RYR3: variants seen among roughly 807,000 people sequenced by gnomAD.
The protein encoded by RYR3 is brain ryanodine receptor-calcium release channel.
Under a neutral mutation model 584.3 loss-of-function variants are expected in RYR3, and 207 were observed. The ratio of observed to expected loss-of-function variants is 0.35; its 90% CI spans 0.32 to 0.40. The LOEUF (loss-of-function observed/expected upper bound fraction) is 0.40, where lower values mean the gene tolerates loss of function less well. Among genes scored for constraint, RYR3 ranks in the 10% least tolerant of loss-of-function variants. RYR3 has a pLI of 1.00. For synonymous variants in RYR3, 2,416 were observed against 2,248.5 expected, an observed-to-expected ratio of 1.07 and a Z score of -2.11; for missense variants, 5,616 against 6,089.2, an observed-to-expected ratio of 0.92 and a Z score of 2.59.
chr15:33,848,086 C>G (rs2078839024), intron 93 of RYR3, among the ~76,000 whole-genome samples: 2 of 152,136 alleles, frequency 1.3e-5, no homozygotes, highest in African/African-American at 2.4e-5. Context: ...AAGGGTGACC[C>G]AAATCAGATC....
Position 33,311,278 on chromosome 15 carries a change from G to A in RYR3, c.51+182G>A, listed in dbSNP as rs956243359. ...CGCGGGGCCGCGAGGGGCTGCGTGG[G>A]AAGGGGCACCATCTCCTGCCTCTCC... On this transcript the variant is annotated intron_variant, in intron 1 of 103. Transcript: ENST00000634891. This position sits in a 1 kb window ranked among gnomAD's most constrained non-coding sequence, Gnocchi z 4.4. 6.6e-6 allele frequency among the ~76,000 whole-genome samples: 1 copy of A among 152,158 alleles called. No individual in the cohort carries two copies. The highest frequency in any genetic ancestry group is 1.5e-5 in the Non-Finnish European group (1 of 68,000).
In RYR3 at chr15:33,391,198, T is replaced by C. The variant is rs767825045; in HGVS notation, c.51+80102T>C. On this transcript the variant is annotated intron_variant, in intron 1 of 103. Coordinates refer to ENST00000634891, the MANE Select transcript of RYR3 (RefSeq NM_001036.6). ...TGGGAGTAATTCTCAAATACAGACA[T>C]GGTTTCTAAGAAAGGCCTGGGATTC... Among the ~76,000 whole-genome samples, 68 of 152,224 alleles carry C rather than the reference T, an allele frequency of 4.5e-4. 1 individual carries two copies. Among genetic ancestry groups the C allele is most frequent in the South Asian group, 1.0e-3 (5 of 4,836 alleles).
At chr15:33,385,668 C>T (rs1443028553) in intron 1 of RYR3, among the ~76,000 whole-genome samples, 1 of 150,790 alleles carries the variant, frequency 6.6e-6, no homozygotes, top group Non-Finnish European at 1.5e-5. Flanking sequence ...TATGCTGACA[C>T]TTCTGCCCCC....
intron 46 of RYR3, among the ~76,000 whole-genome samples, chr15:33,727,805 C>A (rs1159973592): frequency 6.6e-6 from 1 of 152,288 alleles, no homozygotes; most frequent in African/African-American, 2.4e-5. Flanking sequence ...ATAGCGTGCT[C>A]ATTTGGGGGT....
chr15:33,861,790 G>C (rs1377578513), intron 102 of RYR3, among the ~76,000 whole-genome samples: 1 of 152,040 alleles, frequency 6.6e-6, no homozygotes, highest in Non-Finnish European at 1.5e-5. Context: ...GGATATTTTT[G>C]GGCATGTCTG....
intron 1 of RYR3, among the ~76,000 whole-genome samples, chr15:33,344,324 G>C (rs564211255): frequency 1.5e-4 from 23 of 152,274 alleles, no homozygotes; most frequent in Admixed American, 4.6e-4. Flanking sequence ...GTCATGAAAA[G>C]TAATTTCTTC....
intron 1 of RYR3, among the ~76,000 whole-genome samples, chr15:33,401,958 T>A (rs2596212): frequency 0.14 from 21,949 of 152,058 alleles, 4,996 homozygotes; most frequent in African/African-American, 0.48. Flanking sequence ...TGGCTTTTTG[T>A]AAAGATAATA....
chr15:33,464,675 G>A (rs2048349051), intron 1 of RYR3, among the ~76,000 whole-genome samples: 1 of 151,230 alleles, frequency 6.6e-6, no homozygotes, highest in African/African-American at 2.4e-5. Context: ...TATACGTTGT[G>A]CAGTGATCAC....
At chr15:33,620,730 C>T (rs183822712) in intron 19 of RYR3, among the ~76,000 whole-genome samples, 14 of 152,256 alleles carry the variant, frequency 9.2e-5, no homozygotes, top group East Asian at 5.8e-4. Flanking sequence ...ATATTTGTGG[C>T]GGTTTGTTGG....
intron 85 of RYR3, among the ~76,000 whole-genome samples, chr15:33,829,214 C>T (rs1262261347): frequency 6.6e-6 from 1 of 152,110 alleles, no homozygotes. Flanking sequence ...GTTGACTATG[C>T]ACCTGGTTCC....
chr15:33,659,304 C>T (rs559734930), intron 32 of RYR3, among the ~76,000 whole-genome samples: 1 of 152,338 alleles, frequency 6.6e-6, no homozygotes, highest in South Asian at 2.1e-4. Flanking sequence ...TTATCATCTC[C>T]TATGGGCAGG....
At chr15:33,655,441 A>T (rs781185902) in intron 32 of RYR3, among the ~76,000 whole-genome samples, 6 of 152,242 alleles carry the variant, frequency 3.9e-5, no homozygotes, top group Non-Finnish European at 7.3e-5. Context: ...TTAATTTTTT[A>T]AAATGGCATT....
At chr15:33,466,135 C>A (rs900908032) in intron 1 of RYR3, among the ~76,000 whole-genome samples, 5 of 152,064 alleles carry the variant, frequency 3.3e-5, no homozygotes, top group Admixed American at 3.3e-4. Context: ...CTTGGGAGTC[C>A]TTAAAATACA....
intron 19 of RYR3, among the ~76,000 whole-genome samples, chr15:33,614,896 T>C (rs1185936925): frequency 2.6e-5 from 4 of 152,204 alleles, no homozygotes; most frequent in Non-Finnish European, 4.4e-5. Context: ...ATATTGGCTT[T>C]TTATATACAC....
rs571694127 is a variant in RYR3, at chr15:33,626,101, C to A, written c.2574+2078C>A. Among the ~76,000 whole-genome samples the A allele has an allele frequency of 4.5e-4, 68 of 152,258 alleles. No individual in the cohort carries two copies. The South Asian group carries it at 8.1e-3, about 18-fold the overall frequency. On this transcript the variant is annotated intron_variant, in intron 20 of 103. Coordinates refer to ENST00000634891, the MANE Select transcript of RYR3 (RefSeq NM_001036.6). Reference sequence around the variant, plus strand: ...TGAGTGTGACTCCTGTCTGGGCTGCCTCTCCTGACTTAAGTAATCAGAAAC... The same window carrying A: ...TGAGTGTGACTCCTGTCTGGGCTGCATCTCCTGACTTAAGTAATCAGAAAC...
At chr15:33,817,704 C>T (rs1370429716) in intron 75 of RYR3, among the ~76,000 whole-genome samples, 1 of 152,030 alleles carries the variant, frequency 6.6e-6, no homozygotes, top group Non-Finnish European at 1.5e-5. Context: ...TTTTCTTTCC[C>T]TTTGTCTTTA....
At position 33,646,533 on chromosome 15, in the gene RYR3, G is replaced by GTGAGTT. The variant is rs1250531321; in HGVS notation, c.3941+11_3941+12insTTTGAG. On this transcript the variant is annotated splice_region_variant and intron_variant, in intron 29 of 103. Coordinates refer to ENST00000634891, the MANE Select transcript of RYR3 (RefSeq NM_001036.6). ...GTGAAGCTTTCCAGAAAAGGTGAGG[G>GTGAGTT]TGAGGCCTCCAGTTCTCAGAGGCAC... The GTGAGTT allele has an allele frequency of 1.2e-6, 2 of 1,604,106 alleles. No homozygotes were observed. The highest frequency in any genetic ancestry group is 2.7e-5 in the African/African-American group (2 of 74,834).
chr15:33,777,791 A>G (rs1250684926), intron 64 of RYR3, among the ~76,000 whole-genome samples: 28 of 147,102 alleles, frequency 1.9e-4, no homozygotes, highest in African/African-American at 7.3e-4. Flanking sequence ...GAAAGAGGAA[A>G]AAAAAAAAAA....
At chr15:33,749,276 T>G (rs2071044275) in intron 55 of RYR3, among the ~76,000 whole-genome samples, 3 of 152,282 alleles carry the variant, frequency 2.0e-5, no homozygotes, top group South Asian at 4.1e-4. Flanking sequence ...CCTGTGATGG[T>G]GCAGGCAGGC....
Sources: gnomAD v4.1 joint callset for allele counts (sites outside exome capture counted in the v4.1 genomes callset) on GRCh38, gnomAD v4.1.1 for gene constraint, Gnocchi (gnomAD v3.1) non-coding constraint, MANE v1.5 for transcripts, NCBI Gene and HGNC (gene_info 2026-07-23, HGNC 2026-07-21) for gene names.